Variants in GNG7 observed in about 807,000 individuals in gnomAD.
GNG7 encodes the protein guanine nucleotide-binding protein G(I)/G(S)/G(O) subunit gamma-7.
GNG7 carries 1 observed loss-of-function variant against 4.0 expected under a neutral mutation model. The ratio of observed to expected loss-of-function variants is 0.25; its 90% CI spans 0.09 to 1.18. GNG7 has a LOEUF of 1.18. GNG7 is among the 50% of genes most tolerant of loss of function. The pLI, the probability that GNG7 is intolerant of heterozygous loss-of-function variation, is 0.50. For missense variants in GNG7, 86 were observed against 91.9 expected (o/e 0.94, Z 0.26); for synonymous variants, 34 against 36.9 (o/e 0.92, Z 0.29).
rs11386382 is a variant in GNG7 at position 2,668,220 on chromosome 19, C to CAAA, written c.-134-21943_-134-21941dup. Among the ~76,000 whole-genome samples the CAAA allele has an allele frequency of 1.5e-3, 205 of 140,182 alleles. 1 individual carries two copies. The highest frequency in any genetic ancestry group is 5.3e-3 in the African/African-American group (202 of 38,412). The allele number at this position is 140,182 out of a possible 152,430, so 92.0% of individuals were successfully genotyped here. On this transcript the variant is annotated intron_variant, in intron 1 of 4. Coordinates refer to ENST00000382159, the MANE Select transcript of GNG7 (RefSeq NM_052847.3). ...AACTATTCTAAAATGAAAAGTTTAT[C>CAAA]AAAAAAAAAAAAGAGACAGAGAGAA... is the stretch of plus-strand genomic sequence containing the variant.
At chr19:2,681,233 G>C (rs1983727426) in intron 1 of GNG7, among the ~76,000 whole-genome samples, 1 of 151,906 alleles carries the variant, frequency 6.6e-6, no homozygotes, top group Admixed American at 6.6e-5. Flanking sequence ...GCCCAGGCTG[G>C]AATGCAGTGG....
chr19:2,651,223 ACTTCCTTCCTTCCTTCCTTCCTTTCCTTC>A (rs140970767), intron 1 of GNG7, among the ~76,000 whole-genome samples: 21,260 of 134,564 alleles, frequency 0.16, 2,402 homozygotes, highest in East Asian at 0.45. Context: ...TCTCTGTCCG[ACTTCCTTCCTTCCTTCCTTCCTTTCCTTC>A]CTTCCTTCCT....
intron 2 of GNG7, among the ~76,000 whole-genome samples, chr19:2,603,587 A>C (rs1473605733): frequency 6.6e-6 from 1 of 152,166 alleles, no homozygotes; most frequent in East Asian, 1.9e-4. Flanking sequence ...TGGACTGGAG[A>C]TCGACCAAAA....
chr19:2,514,986 A>C lies in GNG7; in HGVS notation c.*36T>G. The stretch of plus-strand genomic sequence containing the variant: ...ACAGAGACAGAGAGAGAGAGAGAGA[A>C]AGAGAGAGAGAGAGAGAGAACATAT... On this transcript the variant is annotated 3_prime_UTR_variant, in exon 5 of 5. Coordinates refer to ENST00000382159, the MANE Select transcript of GNG7 (RefSeq NM_052847.3). 2 of 1,055,076 alleles carry C rather than the reference A, an allele frequency of 1.9e-6. No homozygotes were observed. Among genetic ancestry groups the C allele is most frequent in the Non-Finnish European group, 2.6e-6 (2 of 757,358 alleles). 65.4% of individuals were successfully genotyped at this position (1,055,076 alleles called of 1,614,324 possible). A position where few individuals can be genotyped will look rare whatever the true frequency, so the allele number is the denominator to read the frequency against.
chr19:2,668,365 G>A (rs1374195765), intron 1 of GNG7, among the ~76,000 whole-genome samples: 1 of 151,910 alleles, frequency 6.6e-6, no homozygotes, highest in Non-Finnish European at 1.5e-5. Context: ...ACCTAGAAAA[G>A]AAAGACGCTA....
intron 2 of GNG7, among the ~76,000 whole-genome samples, chr19:2,579,184 G>T (rs993346810): frequency 6.6e-6 from 1 of 152,258 alleles, no homozygotes; most frequent in African/African-American, 2.4e-5. Context: ...AGGTCCAGAC[G>T]CCAAGGTCTG....
intron 3 of GNG7, among the ~76,000 whole-genome samples, chr19:2,531,591 G>A (rs1483526316): frequency 1.3e-5 from 2 of 152,094 alleles, no homozygotes; most frequent in East Asian, 3.9e-4. Flanking sequence ...CTAACATGGT[G>A]AAACCCCGTC....
chr19:2,566,558 C>A (rs1237638317), intron 2 of GNG7, among the ~76,000 whole-genome samples: 2 of 152,226 alleles, frequency 1.3e-5, no homozygotes, highest in African/African-American at 4.8e-5. Context: ...CAGACCAGAA[C>A]TGGGGCCACA....
intron 2 of GNG7, among the ~76,000 whole-genome samples, chr19:2,565,688 T>C (rs1271215835): frequency 1.3e-5 from 2 of 152,050 alleles, no homozygotes; most frequent in East Asian, 3.9e-4. Context: ...AAGAACCTGA[T>C]TGAGTGGTCT....
chr19:2,511,958 C>T lies in GNG7; in HGVS notation c.*3064G>A, dbSNP rs991113884. The T allele has an allele frequency of 2.0e-6, 2 of 985,788 alleles. No homozygotes were observed. The highest frequency in any genetic ancestry group is 3.5e-5 in the African/African-American group (2 of 57,228). The allele number at this position is 985,788 out of a possible 1,614,324, so 61.1% of individuals were successfully genotyped here. A position where few individuals can be genotyped will look rare whatever the true frequency, so the allele number is the denominator to read the frequency against. ...CAGGTGGGTCACAACAGGGTCGGGG[C>T]CTGGCCCGCTGTGGCCCTTCACCTG... On this transcript the variant is annotated 3_prime_UTR_variant, in exon 5 of 5. Coordinates refer to ENST00000382159, the MANE Select transcript of GNG7 (RefSeq NM_052847.3). The surrounding 1 kb of genome is among the most constrained non-coding windows in gnomAD (Gnocchi z 6.3).
At chr19:2,591,176 G>A (rs936056836) in intron 2 of GNG7, among the ~76,000 whole-genome samples, 2 of 152,140 alleles carry the variant, frequency 1.3e-5, no homozygotes, top group Non-Finnish European at 2.9e-5. Context: ...TTGCGCGGTA[G>A]GTTTGGCTTG....
At chr19:2,681,434 C>T (rs1347137206) in intron 1 of GNG7, among the ~76,000 whole-genome samples, 1 of 152,256 alleles carries the variant, frequency 6.6e-6, no homozygotes, top group African/African-American at 2.4e-5. Context: ...CCGCCCGCCT[C>T]GGCCTCCCAA....
chr19:2,588,130 C>T (rs777403577), intron 2 of GNG7, among the ~76,000 whole-genome samples: 2 of 152,114 alleles, frequency 1.3e-5, no homozygotes, highest in Admixed American at 6.6e-5. Flanking sequence ...AAAAGGTCCC[C>T]GGGTACAATT....
intron 2 of GNG7, among the ~76,000 whole-genome samples, chr19:2,589,823 G>A (rs1229550173): frequency 6.6e-6 from 1 of 151,982 alleles, no homozygotes; most frequent in Non-Finnish European, 1.5e-5. Flanking sequence ...GACATGAAAT[G>A]TTCAGAACAG....
chr19:2,542,268 C>A (rs1021124292), intron 3 of GNG7, among the ~76,000 whole-genome samples: 12 of 152,080 alleles, frequency 7.9e-5, no homozygotes, highest in Admixed American at 7.9e-4. Flanking sequence ...GCGCTCACAA[C>A]CACATCCAGC....
chr19:2,563,821 G>T (rs1178898043), intron 2 of GNG7, among the ~76,000 whole-genome samples: 1 of 152,150 alleles, frequency 6.6e-6, no homozygotes, highest in East Asian at 1.9e-4. Flanking sequence ...CTCATTTTAT[G>T]TGTGAATTTT....
chr19:2,694,159 G>A (rs946967743), intron 1 of GNG7, among the ~76,000 whole-genome samples: 2 of 151,632 alleles, frequency 1.3e-5, no homozygotes, highest in African/African-American at 2.4e-5. Flanking sequence ...GGTCAGAAAT[G>A]TCAAGGCTAT....
intron 1 of GNG7, among the ~76,000 whole-genome samples, chr19:2,657,303 C>G (rs541921288): frequency 1.5e-5 from 2 of 131,096 alleles, no homozygotes; most frequent in Admixed American, 8.3e-5. Flanking sequence ...CACTGCACTT[C>G]ACCCTGGGTG....
chr19:2,602,762 C>A (rs1981240918), intron 2 of GNG7, among the ~76,000 whole-genome samples: 4 of 152,124 alleles, frequency 2.6e-5, no homozygotes. Flanking sequence ...CTCACCACCA[C>A]CCCTCCCTTT....
Sources: allele counts gnomAD v4.1 joint callset (sites outside exome capture counted in the v4.1 genomes callset), GRCh38; gene constraint gnomAD v4.1.1; non-coding constraint Gnocchi (gnomAD v3.1); transcripts MANE v1.5; gene names NCBI Gene and HGNC (gene_info 2026-07-23, HGNC 2026-07-21).